The following DOK6 variants were observed in gnomAD, a reference collection of about 807,000 sequenced individuals.
DOK6 encodes downstream of tyrosine kinase 6.
In DOK6, 22 loss-of-function variants were observed where a neutral mutation model predicts 44.0. The ratio of observed to expected loss-of-function variants is 0.50; its 90% CI spans 0.36 to 0.71. The LOEUF (loss-of-function observed/expected upper bound fraction) is 0.71. Ranked by LOEUF, DOK6 falls within the 30% of genes least tolerant of loss-of-function variation. The pLI is 0.00. For synonymous variants in DOK6, 166 were observed against 145.5 expected, an observed-to-expected ratio of 1.14 and a Z score of -1.01; for missense variants, 340 against 416.4, an observed-to-expected ratio of 0.82 and a Z score of 1.60.
intron 4 of DOK6, among the ~76,000 whole-genome samples, chr18:69,686,939 A>G (rs1986166588): frequency 1.3e-5 from 2 of 152,196 alleles, no homozygotes; most frequent in African/African-American, 4.8e-5. Context: ...GCAACTTCCA[A>G]TACATAAACT....
At chr18:69,432,132 A>T (rs976615705) in intron 1 of DOK6, among the ~76,000 whole-genome samples, 1 of 152,210 alleles carries the variant, frequency 6.6e-6, no homozygotes, top group African/African-American at 2.4e-5. Context: ...TCCCCTAAAG[A>T]TTATTAAACT....
chr18:69,742,414 C>CA (rs755723043), intron 6 of DOK6, among the ~76,000 whole-genome samples: 58 of 120,446 alleles, frequency 4.8e-4, no homozygotes, highest in Admixed American at 9.3e-4. Flanking sequence ...AACTCCATCT[C>CA]AAAAAAAAAA....
chr18:69,805,327 G>C (rs895606309), intron 7 of DOK6, among the ~76,000 whole-genome samples: 7 of 152,138 alleles, frequency 4.6e-5, no homozygotes, highest in African/African-American at 1.7e-4. Context: ...CTTTTATAGA[G>C]GGTGGAGATG....
intron 6 of DOK6, among the ~76,000 whole-genome samples, chr18:69,739,465 C>T (rs1008655336): frequency 6.6e-6 from 1 of 152,158 alleles, no homozygotes; most frequent in African/African-American, 2.4e-5. Flanking sequence ...ATTAAGTTCT[C>T]ACCAGGAAGG....
chr18:69,512,334 T>TC (rs1555708625), intron 1 of DOK6, among the ~76,000 whole-genome samples: 50 of 30,410 alleles, frequency 1.6e-3, no homozygotes, highest in Admixed American at 3.9e-3. Context: ...TTCTTCTTCT[T>TC]TTTTTTTTTT....
At position 69,426,025 on chromosome 18, in the gene DOK6, C is replaced by T. The variant is rs566227813; in HGVS notation, c.66+24715C>T. Among the ~76,000 whole-genome samples the T allele has an allele frequency of 2.0e-5, 3 of 152,202 alleles. No homozygotes were observed. In the East Asian group the frequency reaches 5.8e-4, roughly 29 times the overall value. ...AATTTTTACATGTAAGGGATCCATT[C>T]ACCTGGATTGTTATTGGTTGATGAG... On this transcript the variant is annotated intron_variant, in intron 1 of 7. Coordinates refer to ENST00000382713, the MANE Select transcript of DOK6 (RefSeq NM_152721.6).
In DOK6 at chr18:69,846,712, A is replaced by T. The variant is rs566501343; in HGVS notation, c.*5329A>T. ...TCATCACAATCACATAGTAATTGTGATTATAATTTTTGGAATCTTTATCAC... is the reference window on the plus strand; with the variant it reads ...TCATCACAATCACATAGTAATTGTGTTTATAATTTTTGGAATCTTTATCAC... On this transcript the variant is annotated 3_prime_UTR_variant, in exon 8 of 8. Transcript: ENST00000382713. 18 of 152,270 alleles carry T rather than the reference A, an allele frequency of 1.2e-4. No individual in the cohort carries two copies. Among genetic ancestry groups the T allele is most frequent in the African/African-American group, 4.3e-4 (18 of 41,548 alleles). The allele number at this position is 152,270 out of a possible 1,614,324, so 9.4% of individuals were successfully genotyped here. A position where few individuals can be genotyped will look rare whatever the true frequency, so the allele number is the denominator to read the frequency against.
intron 3 of DOK6, among the ~76,000 whole-genome samples, chr18:69,664,925 T>C (rs754364113): frequency 3.9e-5 from 6 of 152,104 alleles, no homozygotes; most frequent in Non-Finnish European, 7.4e-5. Flanking sequence ...ACGCCTGTAA[T>C]CCCAGCACTT....
chr18:69,679,591 TCA>T (rs778855813), intron 4 of DOK6, among the ~76,000 whole-genome samples: 7 of 152,182 alleles, frequency 4.6e-5, no homozygotes, highest in Non-Finnish European at 1.0e-4. Context: ...TGCTCTCCAT[TCA>T]CAGTTTAAGA....
At chr18:69,733,569 A>G (rs1048081028) in intron 5 of DOK6, among the ~76,000 whole-genome samples, 1 of 152,192 alleles carries the variant, frequency 6.6e-6, no homozygotes, top group African/African-American at 2.4e-5. Context: ...ATTTTTAAGT[A>G]TACAATATAT....
At chr18:69,471,250 CAAAAAAAA>C (rs71176969) in intron 1 of DOK6, among the ~76,000 whole-genome samples, 33 of 27,784 alleles carry the variant, frequency 1.2e-3, no homozygotes, top group African/African-American at 2.5e-3. Context: ...AACTCCATCT[CAAAAAAAA>C]AAAAAAAAAA....
intron 1 of DOK6, among the ~76,000 whole-genome samples, chr18:69,445,722 C>A (rs1009986181): frequency 1.3e-5 from 2 of 151,926 alleles, no homozygotes; most frequent in Non-Finnish European, 2.9e-5. Flanking sequence ...TGGAGAATAT[C>A]AAAAATCTAT....
chr18:69,676,950 G>T (rs915518850), intron 3 of DOK6, among the ~76,000 whole-genome samples: 2 of 151,892 alleles, frequency 1.3e-5, no homozygotes, highest in African/African-American at 4.8e-5. Flanking sequence ...TGATTATAAA[G>T]AAATTGGGAG....
chr18:69,568,620 C>A (rs1983043078), intron 2 of DOK6, among the ~76,000 whole-genome samples: 1 of 152,170 alleles, frequency 6.6e-6, no homozygotes, highest in African/African-American at 2.4e-5. Flanking sequence ...CAGTGCTGGG[C>A]TGTGGCCTGT....
At chr18:69,496,196 C>T (rs1270292122) in intron 1 of DOK6, among the ~76,000 whole-genome samples, 1 of 152,214 alleles carries the variant, frequency 6.6e-6, no homozygotes, top group African/African-American at 2.4e-5. Context: ...ATGTCACCGT[C>T]AACGAGGGAG....
intron 7 of DOK6, among the ~76,000 whole-genome samples, chr18:69,784,742 A>G (rs998364966): frequency 1.3e-5 from 2 of 152,206 alleles, no homozygotes; most frequent in African/African-American, 4.8e-5. Context: ...CACAAGATAG[A>G]TAATTCTTGT....
intron 1 of DOK6, among the ~76,000 whole-genome samples, chr18:69,451,226 C>A: frequency 6.9e-6 from 1 of 145,334 alleles, no homozygotes; most frequent in East Asian, 2.1e-4. Context: ...ATCTACCAAG[C>A]AAATGGAAAA....
At chr18:69,568,778 A>C (rs778168107) in intron 2 of DOK6, among the ~76,000 whole-genome samples, 17 of 151,978 alleles carry the variant, frequency 1.1e-4, no homozygotes, top group Non-Finnish European at 2.1e-4. Context: ...ACATTCTCAT[A>C]GGAGCACAAA....
intron 1 of DOK6, chr18:69,483,865 C>T (rs1980500284): frequency 6.6e-6 from 1 of 152,072 alleles, no homozygotes; most frequent in Non-Finnish European, 1.5e-5. Flanking sequence ...GGCATCTCCG[C>T]TGTTAATTGC....
Sources: allele counts gnomAD v4.1 joint callset (sites outside exome capture counted in the v4.1 genomes callset), GRCh38; gene constraint gnomAD v4.1.1; transcripts MANE v1.5; gene names NCBI Gene and HGNC (gene_info 2026-07-23, HGNC 2026-07-21).